Variants in AMT observed in about 807,000 individuals in gnomAD.
AMT encodes the protein aminomethyltransferase.
AMT carries 24 observed loss-of-function variants against 39.5 expected under a neutral mutation model. The observed-to-expected ratio is 0.61, with a 90% CI of 0.44 to 0.86. The LOEUF (loss-of-function observed/expected upper bound fraction) is 0.86, where lower values mean the gene tolerates loss of function less well. Among genes scored for constraint, AMT ranks in the 40% least tolerant of loss-of-function variants. AMT has a pLI of 0.00. For missense variants in AMT, 501 were observed against 537.0 expected (o/e 0.93, Z 0.66); for synonymous variants, 210 against 212.1 (o/e 0.99, Z 0.09).
chr3:49,421,669 C>A, intron 2 of AMT, 97 bp from the exon 3 acceptor site: 8 of 1,113,856 alleles, frequency 7.2e-6, no homozygotes, highest in Non-Finnish European at 1.1e-5. Context: ...ACAGTGCAGT[C>A]CAGCCCACCC....
Position 49,419,699 on chromosome 3 carries a change from A to C in AMT, c.550+11T>G. ...CAAAGGTTGGCTCCAACCCCAGCCC[A>C]GCCCTCTCACCTTGCAGAGCTAGCA... is the stretch of plus-strand genomic sequence containing the variant. On this transcript the variant is annotated intron_variant, in intron 5 of 8. Transcript: ENST00000273588. The C allele has an allele frequency of 6.2e-7, 1 of 1,614,042 alleles. No homozygotes were observed. Among genetic ancestry groups the C allele is most frequent in the Non-Finnish European group, 8.5e-7 (1 of 1,179,888 alleles).
chr3:49,420,202 G>C lies in AMT; in HGVS notation c.471+9C>G, dbSNP rs760770619. 9 of 1,614,046 alleles carry C rather than the reference G, an allele frequency of 5.6e-6. No individual in the cohort carries two copies. The highest frequency in any genetic ancestry group is 7.6e-6 in the Non-Finnish European group (9 of 1,180,022). ...AAGACAAGGTGTCTAGAACACAGAGGGGGTATACCTGCATGAGGGCCAAAT... is the reference window on the plus strand; with the variant it reads ...AAGACAAGGTGTCTAGAACACAGAGCGGGTATACCTGCATGAGGGCCAAAT... On this transcript the variant is annotated intron_variant, in intron 4 of 8. Transcript: ENST00000273588.
chr3:49,419,787 T>A lies in AMT; in HGVS notation c.473A>T (p.Asp158Val). Reference sequence around the variant, plus strand: ...CTGGTTCTGAAGCTCCCTGACCTTGTCCTAAAAGACAGAAACACAAGAGCA... The same window carrying A: ...CTGGTTCTGAAGCTCCCTGACCTTGACCTAAAAGACAGAAACACAAGAGCA... ...CWEKDLALMQDKVRELQNQGR... is the reference protein window; with the variant it reads ...CWEKDLALMQVKVRELQNQGR... The change falls in exon 5 of 9, where the codon GAC (aspartate) becomes GTC (valine). Residue 158 changes from aspartate (D) to valine (V), a missense_variant and splice_region_variant. By Grantham distance (152) the Asp-to-Val change is radical. Transcript: ENST00000273588. 1 of 1,613,974 alleles carries A rather than the reference T, an allele frequency of 6.2e-7. No individual in the cohort carries two copies. The highest frequency in any genetic ancestry group is 8.5e-7 in the Non-Finnish European group (1 of 1,180,008).
intron 3 of AMT, chr3:49,421,180 C>T (rs1316545261): frequency 5.1e-6 from 2 of 392,134 alleles, no homozygotes; most frequent in Non-Finnish European, 9.7e-6. Context: ...GCCAGGATTA[C>T]AGGTGTTTGA....
Position 49,417,378 on chromosome 3 carries a change from A to G in AMT, c.*162T>C, listed in dbSNP as rs1332387869. 1.2e-6 allele frequency: 2 copies of G among 1,602,526 alleles called. No homozygotes were observed. Among genetic ancestry groups the G allele is most frequent in the African/African-American group, 1.3e-5 (1 of 74,856 alleles). Reference sequence around the variant, plus strand: ...GGGTCCTGAAGGAAGCTGGAATGGCATGAGTTAGGTGGGGGGAATAGGTGG... The same window carrying G: ...GGGTCCTGAAGGAAGCTGGAATGGCGTGAGTTAGGTGGGGGGAATAGGTGG... On this transcript the variant is annotated 3_prime_UTR_variant, in exon 9 of 9. Transcript: ENST00000273588.
chr3:49,419,448 TCC>T, intron 5 of AMT, 43 bp from the exon 6 acceptor site: 1 of 1,606,354 alleles, frequency 6.2e-7, no homozygotes, highest in Non-Finnish European at 8.5e-7. Context: ...GGTCCCAGCA[TCC>T]CTCAAAGCTG....
intron 4 of AMT, 86 bp from the exon 5 acceptor site, chr3:49,419,874 G>A (rs1016381183): frequency 3.1e-6 from 4 of 1,291,346 alleles, no homozygotes; most frequent in Non-Finnish European, 3.4e-6. Context: ...ACAGTAGTAG[G>A]ACAGTGGAGA....
chr3:49,420,297 C>G lies in AMT; in HGVS notation c.385G>C (p.Asp129His). The G allele has an allele frequency of 6.2e-7, 1 of 1,614,202 alleles. No homozygotes were observed. Among genetic ancestry groups the G allele is most frequent in the Non-Finnish European group, 8.5e-7 (1 of 1,180,034 alleles). ...TCAGAAGTATTGGTTACAATCAAGTCATCTAAGATGCCTCCAGCCTCGTTG... is the reference window on the plus strand; with the variant it reads ...TCAGAAGTATTGGTTACAATCAAGTGATCTAAGATGCCTCCAGCCTCGTTG... ...FTNEAGGILD[D>H]LIVTNTSEGH... Residue 129 changes from aspartate (D) to histidine (H), a missense_variant, in exon 4 of 9, where the codon GAC (aspartate) becomes CAC (histidine). Asp to His is a moderately conservative substitution (Grantham distance 81). Coordinates refer to ENST00000273588, the MANE Select transcript of AMT (RefSeq NM_000481.4).
In AMT at chr3:49,419,318, A is replaced by G; in HGVS notation, c.638T>C (p.Phe213Ser). Residue 213 changes from phenylalanine to serine, a missense_variant, in exon 6 of 9, where the codon TTT (phenylalanine) becomes TCT (serine). By Grantham distance (155) the Phe-to-Ser change is radical. Transcript: ENST00000273588. ...PFMTSAVMEV[F>S]GVSGCRVTRC... ...GGTCACGCGGCAGCCAGACACGCCA[A>G]ACACCTCCATCACAGCACTGGTCAT... The G allele has an allele frequency of 6.2e-7, 1 of 1,614,154 alleles. No homozygotes were observed. The highest frequency in any genetic ancestry group is 8.5e-7 in the Non-Finnish European group (1 of 1,180,030).
chr3:49,421,330 T>TG lies in AMT; in HGVS notation c.339+161dup, dbSNP rs2049098571. ...ACTGGGATATTCCCCTCCCTACAAA[T>TG]GTCTGTGTCTCTGGAAATGACTCAG... is the stretch of plus-strand genomic sequence containing the variant. On this transcript the variant is annotated intron_variant, in intron 3 of 8. Coordinates refer to ENST00000273588, the MANE Select transcript of AMT (RefSeq NM_000481.4). The TG allele has an allele frequency of 5.9e-6, 4 of 682,600 alleles. No individual in the cohort carries two copies. The South Asian group carries it at 6.3e-5, about 11-fold the overall frequency. The allele number at this position is 682,600 out of a possible 1,614,324, so 42.3% of individuals were successfully genotyped here. A position where few individuals can be genotyped will look rare whatever the true frequency, so the allele number is the denominator to read the frequency against.
chr3:49,420,427 G>C, intron 3 of AMT, 85 bp from the exon 4 acceptor site: 1 of 1,601,490 alleles, frequency 6.2e-7, no homozygotes, highest in Non-Finnish European at 8.5e-7. Context: ...GACCCACTTA[G>C]TTACCAAAAG....
chr3:49,419,949 C>A, intron 4 of AMT, 161 bp from the exon 5 acceptor site: 1 of 825,386 alleles, frequency 1.2e-6, no homozygotes, highest in Non-Finnish European at 2.0e-6. Context: ...GGTCACATAG[C>A]TACTAAGTGA....
Position 49,419,788 on chromosome 3 carries a change from C to T in AMT, c.472G>A (p.Asp158Asn). The T allele has an allele frequency of 1.2e-6, 2 of 1,614,078 alleles. No homozygotes were observed. Among genetic ancestry groups the T allele is most frequent in the Non-Finnish European group, 1.7e-6 (2 of 1,180,004 alleles). The stretch of plus-strand genomic sequence containing the variant: ...TGGTTCTGAAGCTCCCTGACCTTGT[C>T]CTAAAAGACAGAAACACAAGAGCAT... ...CWEKDLALMQ[D>N]KVRELQNQGR... is the part of the protein sequence containing the mutation. The change falls in exon 5 of 9, where the codon GAC (aspartate) becomes AAC (asparagine). Residue 158 changes from aspartate to asparagine, a missense_variant and splice_region_variant. By Grantham distance (23) the Asp-to-Asn change is conservative. Transcript: ENST00000273588.
At chr3:49,422,000 G>A (rs1311672011) in intron 2 of AMT, 104 bp downstream of exon 2, 1 of 1,520,004 alleles carries the variant, frequency 6.6e-7, no homozygotes. Context: ...CTTCTGAGAA[G>A]GCTGTCCTTG....
chr3:49,419,944 C>CTT, intron 4 of AMT, 156 bp from the exon 5 acceptor site: 1 of 840,488 alleles, frequency 1.2e-6, no homozygotes, highest in Non-Finnish European at 2.0e-6. Flanking sequence ...TACAAGGTCA[C>CTT]ATAGCTACTA....
chr3:49,420,019 C>A lies in AMT; in HGVS notation c.471+192G>T, dbSNP rs1418454213. The A allele has an allele frequency of 8.3e-6, 7 of 848,252 alleles. No individual in the cohort carries two copies. The African/African-American group carries it at 1.2e-4, about 14-fold the overall frequency. 52.5% of individuals were successfully genotyped at this position (848,252 alleles called of 1,614,324 possible). ...ACCAGAGGGGCCAAGACCCCCTCCC[C>A]ATGCCTGGTAATCCCCCACCACCAA... On this transcript the variant is annotated intron_variant, in intron 4 of 8. Transcript: ENST00000273588.
Position 49,417,126 on chromosome 3 carries a change from A to G in AMT, c.*414T>C. 1.2e-6 allele frequency: 1 copy of G among 811,016 alleles called. No homozygotes were observed. Among genetic ancestry groups the G allele is most frequent in the Non-Finnish European group, 2.1e-6 (1 of 487,376 alleles). 50.2% of individuals were successfully genotyped at this position (811,016 alleles called of 1,614,324 possible). On this transcript the variant is annotated 3_prime_UTR_variant, in exon 9 of 9. Coordinates refer to ENST00000273588, the MANE Select transcript of AMT (RefSeq NM_000481.4). ...ACTGGAGGGGGTAGCCTAAGTCCGC[A>G]CTGCCCATGTTATTACCCTTTGCAA...
chr3:49,419,323 C>G lies in AMT; in HGVS notation c.633G>C (p.Glu211Asp), dbSNP rs762345907. The part of the protein sequence containing the change: ...KLPFMTSAVM[E>D]VFGVSGCRVT... The stretch of plus-strand genomic sequence containing the variant: ...CGCGGCAGCCAGACACGCCAAACAC[C>G]TCCATCACAGCACTGGTCATGAAGG... Residue 211 changes from glutamate (E) to aspartate (D), a missense_variant, in exon 6 of 9, where the codon GAG becomes GAC. Physicochemically the swap from Glu to Asp is conservative, Grantham distance 45. Transcript: ENST00000273588. The G allele has an allele frequency of 6.2e-7, 1 of 1,614,230 alleles. No homozygotes were observed. The highest frequency in any genetic ancestry group is 8.5e-7 in the Non-Finnish European group (1 of 1,180,044).
intron 2 of AMT, 150 bp downstream of exon 2, chr3:49,421,954 A>G (rs1458197591): frequency 2.8e-5 from 31 of 1,101,806 alleles, no homozygotes; most frequent in Non-Finnish European, 3.7e-5. Context: ...CCTTGGGGCC[A>G]TTGACCTATC....
Sources: gnomAD v4.1 joint callset for allele counts on GRCh38, gnomAD v4.1.1 for gene constraint, MANE v1.5 for transcripts, NCBI Gene and HGNC (gene_info 2026-07-23, HGNC 2026-07-21) for gene names.